The following RAD50 variants were observed in gnomAD, a reference collection of about 807,000 sequenced individuals.
RAD50 encodes the protein RAD50 double strand break repair protein, also known as DNA repair protein RAD50.
RAD50 carries 132 observed loss-of-function variants against 168.8 expected under a neutral mutation model. The ratio of observed to expected loss-of-function variants is 0.78; its 90% CI spans 0.68 to 0.90. The LOEUF (loss-of-function observed/expected upper bound fraction) is 0.90, where lower values mean the gene tolerates loss of function less well. RAD50 is among the 40% of genes least tolerant of loss of function. The probability of loss-of-function intolerance (pLI) is 0.00; values close to 1 mark genes in which losing one functional copy is unlikely to be tolerated. For synonymous variants in RAD50, 525 were observed against 497.4 expected, an observed-to-expected ratio of 1.06 and a Z score of -0.74; for missense variants, 1,347 against 1,534.4, an observed-to-expected ratio of 0.88 and a Z score of 2.04.
intron 20 of RAD50, 76 bp downstream of exon 20, chr5:132,616,206 T>C: frequency 6.8e-7 from 1 of 1,463,358 alleles, no homozygotes; most frequent in Non-Finnish European, 9.5e-7. Context: ...AATACCTGTT[T>C]TAAAAGAATT....
chr5:132,628,109 C>G (rs1751399600), intron 21 of RAD50, among the ~76,000 whole-genome samples: 1 of 152,110 alleles, frequency 6.6e-6, no homozygotes, highest in Non-Finnish European at 1.5e-5. Context: ...GTTTTGTACA[C>G]TTTAAGTTTG....
intron 21 of RAD50, among the ~76,000 whole-genome samples, chr5:132,636,685 T>C (rs1204069977): frequency 6.6e-6 from 1 of 152,200 alleles, no homozygotes; most frequent in African/African-American, 2.4e-5. Flanking sequence ...GTAAACCTTC[T>C]ACCCTTTAAC....
intron 21 of RAD50, among the ~76,000 whole-genome samples, chr5:132,620,698 C>T (rs1300180645): frequency 6.6e-6 from 1 of 152,128 alleles, no homozygotes; most frequent in Non-Finnish European, 1.5e-5. Flanking sequence ...AAGCCCCCCA[C>T]GCAGTCAGAA....
chr5:132,603,574 G>C, intron 14 of RAD50, 85 bp downstream of exon 14: 1 of 1,384,012 alleles, frequency 7.2e-7, no homozygotes, highest in Non-Finnish European at 1.0e-6. Context: ...ATAGTAGCTA[G>C]TATTCAGGTA....
intron 19 of RAD50, among the ~76,000 whole-genome samples, chr5:132,614,362 T>G (rs566578008): frequency 2.6e-5 from 4 of 152,198 alleles, no homozygotes; most frequent in African/African-American, 9.7e-5. Flanking sequence ...CCAGCTACAG[T>G]GGTACATTAG....
At chr5:132,636,561 T>G (rs1751584381) in intron 21 of RAD50, among the ~76,000 whole-genome samples, 1 of 152,210 alleles carries the variant, frequency 6.6e-6, no homozygotes, top group Non-Finnish European at 1.5e-5. Context: ...ATCTGAGGAA[T>G]AAAACCAACA....
At chr5:132,595,188 C>A in intron 12 of RAD50, 144 bp downstream of exon 12, 1 of 889,212 alleles carries the variant, frequency 1.1e-6, no homozygotes, top group South Asian at 1.6e-5. Context: ...AACTTACTCA[C>A]TGTGTGACTT....
chr5:132,618,601 C>T (rs1217029420), intron 21 of RAD50, among the ~76,000 whole-genome samples: 2 of 152,178 alleles, frequency 1.3e-5, no homozygotes, highest in Admixed American at 6.5e-5. Flanking sequence ...TGGTCTCGAA[C>T]TCCTGACCTG....
rs544671748 is a variant in RAD50 at position 132,644,660 on chromosome 5, T to G, written c.*2296T>G. 1.3e-4 allele frequency: 23 copies of G among 175,310 alleles called. No homozygotes were observed. Among genetic ancestry groups the G allele is most frequent in the African/African-American group, 1.9e-4 (8 of 42,202 alleles). The allele number at this position is 175,310 out of a possible 1,614,324, so 10.9% of individuals were successfully genotyped here. On this transcript the variant is annotated 3_prime_UTR_variant, in exon 25 of 25. Transcript: ENST00000378823. ...TATCTTTCATTCCCAGCTTGGTCAC[T>G]CCCTCTTATTTGTTGAAGAGTTTAG... is the stretch of plus-strand genomic sequence containing the variant.
chr5:132,582,370 C>T (rs974543483), intron 5 of RAD50, among the ~76,000 whole-genome samples: 5 of 151,974 alleles, frequency 3.3e-5, no homozygotes, highest in Non-Finnish European at 5.9e-5. Flanking sequence ...GCAGGTGGTT[C>T]AATAAATGTT....
At chr5:132,585,399 G>A (rs1750578881) in intron 5 of RAD50, among the ~76,000 whole-genome samples, 1 of 152,056 alleles carries the variant, frequency 6.6e-6, no homozygotes, top group Non-Finnish European at 1.5e-5. Flanking sequence ...TTGTGACATT[G>A]TGAGGTTGTA....
chr5:132,572,449 A>G (rs531873321), intron 2 of RAD50, among the ~76,000 whole-genome samples: 3 of 152,340 alleles, frequency 2.0e-5, no homozygotes, highest in East Asian at 3.9e-4. Context: ...AGTAAAAGGA[A>G]TAACAGTGTT....
intron 21 of RAD50, among the ~76,000 whole-genome samples, chr5:132,630,216 G>A (rs1326371727): frequency 6.6e-6 from 1 of 151,914 alleles, no homozygotes; most frequent in African/African-American, 2.4e-5. Context: ...CTAATTTTTT[G>A]TATTTTTAGT....
chr5:132,588,120 C>A, intron 7 of RAD50, 31 bp downstream of exon 7: 1 of 1,585,840 alleles, frequency 6.3e-7, no homozygotes, highest in South Asian at 1.1e-5. Context: ...GGTCGTTTTT[C>A]CTACTATGAT....
intron 1 of RAD50, 32 bp from the exon 2 acceptor site, chr5:132,559,252 T>C: frequency 6.4e-7 from 1 of 1,574,014 alleles, no homozygotes. Flanking sequence ...GGTTCTCTTA[T>C]AACGAAATAA....
At chr5:132,635,369 G>A (rs747622063) in intron 21 of RAD50, among the ~76,000 whole-genome samples, 16 of 152,132 alleles carry the variant, frequency 1.1e-4, no homozygotes, top group Non-Finnish European at 1.6e-4. Context: ...TTACTGTAGC[G>A]ACCTTAGTCA....
intron 23 of RAD50, 51 bp downstream of exon 23, chr5:132,638,274 G>A (rs374490675): frequency 1.2e-6 from 2 of 1,607,790 alleles, no homozygotes; most frequent in Non-Finnish European, 1.7e-6. Context: ...AACTGAAAGA[G>A]AGAAACAAAC....
intron 1 of RAD50, among the ~76,000 whole-genome samples, chr5:132,558,225 T>C (rs924612022): frequency 6.6e-6 from 1 of 152,194 alleles, no homozygotes; most frequent in East Asian, 1.9e-4. Flanking sequence ...AAAAATGTTA[T>C]TTGTTGAATG....
intron 22 of RAD50, among the ~76,000 whole-genome samples, chr5:132,637,509 ACT>A (rs992352433): frequency 4.1e-5 from 6 of 144,828 alleles, no homozygotes; most frequent in African/African-American, 8.0e-5. Flanking sequence ...TCCAGAGGAA[ACT>A]CTTTTTTTTT....
Sources: allele counts gnomAD v4.1 joint callset (sites outside exome capture counted in the v4.1 genomes callset), GRCh38; gene constraint gnomAD v4.1.1; transcripts MANE v1.5; gene names NCBI Gene and HGNC (gene_info 2026-07-23, HGNC 2026-07-21).